CFH: variants seen among roughly 807,000 people sequenced by gnomAD.
CFH encodes the protein H factor 1 (complement).
CFH carries 53 observed loss-of-function variants against 147.3 expected under a neutral mutation model. The ratio of observed to expected loss-of-function variants is 0.36; its 90% CI spans 0.29 to 0.45. CFH has a LOEUF of 0.45. Ranked by LOEUF, CFH falls within the 20% of genes least tolerant of loss-of-function variation. The pLI is 1.00. For missense variants in CFH, 1,380 were observed against 1,498.0 expected, an observed-to-expected ratio of 0.92 and a Z score of 1.30; for synonymous variants, 536 against 489.4, an observed-to-expected ratio of 1.10 and a Z score of -1.26.
intron 6 of CFH, among the ~76,000 whole-genome samples, chr1:196,682,898 T>A (rs1040073269): frequency 6.6e-6 from 1 of 151,576 alleles, no homozygotes; most frequent in Non-Finnish European, 1.5e-5. Flanking sequence ...GAACGAAGTA[T>A]AAACTTAGGA....
Position 196,685,176 on chromosome 1 carries a change from A to G in CFH, c.903A>G (p.Ala301=), listed in dbSNP as rs767905204. The change falls in exon 7 of 22, where the codon GCA becomes GCG. Residue 301 remains alanine, a synonymous_variant. Coordinates refer to ENST00000367429, the MANE Select transcript of CFH (RefSeq NM_000186.4). ...AGTGTAGAAATGGTTTTTATCCTGC[A>G]ACCCGGGGAAATACAGCAAAATGCA... The part of the protein sequence containing the change: ...TYQCRNGFYP[A]TRGNTAKCTS... 2 of 1,613,168 alleles carry G rather than the reference A, an allele frequency of 1.2e-6. No homozygotes were observed. The highest frequency in any genetic ancestry group is 1.7e-6 in the Non-Finnish European group (2 of 1,179,408).
chr1:196,700,988 C>A, intron 9 of CFH: 1 of 364,380 alleles, frequency 2.7e-6, no homozygotes, highest in Non-Finnish European at 3.8e-6. Context: ...TCTTTGAGGT[C>A]TTGTTGACAC....
chr1:196,677,638 T>C lies in CFH; in HGVS notation c.590T>C (p.Phe197Ser). 1.2e-6 allele frequency: 2 copies of C among 1,613,084 alleles called. No individual in the cohort carries two copies. Among genetic ancestry groups the C allele is most frequent in the Non-Finnish European group, 1.7e-6 (2 of 1,179,266 alleles). ...GAAATGCATTGTTCAGACGATGGTTTTTGGAGTAAAGAGAAACCAAAGTGT... is the reference window on the plus strand; with the variant it reads ...GAAATGCATTGTTCAGACGATGGTTCTTGGAGTAAAGAGAAACCAAAGTGT... ...DEEMHCSDDG[F>S]WSKEKPKCVE... The change falls in exon 5 of 22, where the codon TTT becomes TCT. Residue 197 changes from phenylalanine (F) to serine (S), a missense_variant. Around this residue, in one of 4 missense-constraint regions of CFH, gnomAD observed 260 missense variants for 263.3 expected, o/e 0.99. Transcript: ENST00000367429.
intron 9 of CFH, among the ~76,000 whole-genome samples, chr1:196,700,402 C>T (rs1171812574): frequency 6.6e-6 from 1 of 151,982 alleles, no homozygotes; most frequent in East Asian, 1.9e-4. Flanking sequence ...ACCTGTAATC[C>T]CAGCACTTTA....
chr1:196,692,889 C>A (rs141672221), intron 9 of CFH, among the ~76,000 whole-genome samples: 8,127 of 38,478 alleles, frequency 0.21, 953 homozygotes, highest in East Asian at 0.5. Context: ...CTCCCTCCCT[C>A]CCTCCCTCCC....
chr1:196,728,377 A>G lies in CFH; in HGVS notation c.2268A>G (p.Ser756=). ...ATAAACTTAAGAAGTGCAAATCATC[A>G]AATTTAATTATACTTGAGGAACATT... ...AIDKLKKCKS[S]NLIILEEHLK... The change falls in exon 15 of 22, where the codon TCA becomes TCG. Residue 756 remains serine, a synonymous_variant. Coordinates refer to ENST00000367429, the MANE Select transcript of CFH (RefSeq NM_000186.4). The G allele has an allele frequency of 6.4e-7, 1 of 1,569,362 alleles. No homozygotes were observed. Among genetic ancestry groups the G allele is most frequent in the Non-Finnish European group, 8.7e-7 (1 of 1,150,180 alleles).
intron 15 of CFH, among the ~76,000 whole-genome samples, chr1:196,734,092 T>C (rs1204542978): frequency 6.6e-6 from 1 of 152,112 alleles, no homozygotes; most frequent in African/African-American, 2.4e-5. Context: ...GGATGCTTTA[T>C]GTGAGATCCA....
rs561610900 is a variant in CFH at position 196,689,251 on chromosome 1, AC to A, written c.965-168del. 7.9e-5 allele frequency among the ~76,000 whole-genome samples: 12 copies of A among 152,054 alleles called. No homozygotes were observed. In the East Asian group the frequency reaches 2.3e-3, roughly 29 times the overall value. On this transcript the variant is annotated intron_variant, in intron 7 of 21. Transcript: ENST00000367429. ...CTTCATTAACAAAGACCTTCTTGTT[AC>A]ATATCTCAGTCATCTGAGTTCTATC... is the stretch of plus-strand genomic sequence containing the variant.
intron 9 of CFH, among the ~76,000 whole-genome samples, chr1:196,694,793 A>C (rs1274373111): frequency 6.6e-6 from 1 of 152,224 alleles, no homozygotes; most frequent in Non-Finnish European, 1.5e-5. Context: ...CTGACTGCAT[A>C]AATGTCTTCT....
chr1:196,684,854 G>A (rs945898341), intron 6 of CFH, among the ~76,000 whole-genome samples: 27 of 152,110 alleles, frequency 1.8e-4, no homozygotes, highest in Non-Finnish European at 1.5e-4. Context: ...GGGATTAAGA[G>A]CCCAGGAGGT....
chr1:196,722,153 T>C (rs1669016143), intron 11 of CFH, among the ~76,000 whole-genome samples: 1 of 152,132 alleles, frequency 6.6e-6, no homozygotes, highest in African/African-American at 2.4e-5. Flanking sequence ...GTGAGTTTTG[T>C]ACTTTTGCAT....
chr1:196,677,841 T>C, intron 5 of CFH, 174 bp downstream of exon 5: 2 of 627,462 alleles, frequency 3.2e-6, no homozygotes, highest in East Asian at 2.9e-5. Flanking sequence ...TCATTTTAAC[T>C]TTCAAAAAAC....
At chr1:196,708,882 G>A (rs1436902132) in intron 9 of CFH, among the ~76,000 whole-genome samples, 2 of 152,124 alleles carry the variant, frequency 1.3e-5, no homozygotes, top group South Asian at 2.1e-4. Context: ...GGCATCACGA[G>A]TCCTAGCTAT....
intron 6 of CFH, 108 bp from the exon 7 acceptor site, chr1:196,684,956 A>G: frequency 1.2e-6 from 1 of 843,060 alleles, no homozygotes; most frequent in Non-Finnish European, 1.9e-6. Flanking sequence ...GCCATTTTGT[A>G]TTATGCTAAG....
intron 11 of CFH, among the ~76,000 whole-genome samples, chr1:196,719,356 AC>A (rs1033542961): frequency 6.6e-6 from 1 of 151,960 alleles, no homozygotes. Context: ...AAACACACAT[AC>A]AAAAAAAAGA....
At chr1:196,712,049 CCTT>C (rs1668734570) in intron 9 of CFH, among the ~76,000 whole-genome samples, 1 of 152,124 alleles carries the variant, frequency 6.6e-6, no homozygotes, top group Non-Finnish European at 1.5e-5. Flanking sequence ...GCTGAATTCT[CCTT>C]CTCCATGCTG....
chr1:196,747,271 T>C lies in CFH; in HGVS notation c.3654T>C (p.Cys1218=). The C allele has an allele frequency of 6.2e-7, 1 of 1,613,972 alleles. No individual in the cohort carries two copies. Residue 1218 remains cysteine, a synonymous_variant, in exon 22 of 22, where the codon TGT becomes TGC. Transcript: ENST00000367429. ...SSRSHTLRTT[C]WDGKLEYPTC... is the part of the protein sequence containing the mutation. ...GTTCTCACACATTGCGAACAACATGTTGGGATGGGAAACTGGAGTATCCAA... is the reference window on the plus strand; with the variant it reads ...GTTCTCACACATTGCGAACAACATGCTGGGATGGGAAACTGGAGTATCCAA...
chr1:196,688,071 ATG>A (rs927547016), intron 7 of CFH, among the ~76,000 whole-genome samples: 35 of 151,692 alleles, frequency 2.3e-4, no homozygotes, highest in East Asian at 7.8e-4. Context: ...GAATATTTAT[ATG>A]TGTGTGTGTG....
chr1:196,655,128 T>C (rs1326567950), intron 1 of CFH, among the ~76,000 whole-genome samples: 1 of 152,194 alleles, frequency 6.6e-6, no homozygotes, highest in Non-Finnish European at 1.5e-5. Flanking sequence ...AATTTAGTAT[T>C]ATTCATAATT....
Sources: gnomAD v4.1 joint callset for allele counts (sites outside exome capture counted in the v4.1 genomes callset) on GRCh38, gnomAD v4.1.1 for gene constraint, gnomAD v4.1.1 regional missense constraint, MANE v1.5 for transcripts, NCBI Gene and HGNC (gene_info 2026-07-23, HGNC 2026-07-21) for gene names.